The following LAMC2 variants were observed in gnomAD, a reference collection of about 807,000 sequenced individuals.
LAMC2 encodes laminin subunit gamma 2.
Under a neutral mutation model 140.2 loss-of-function variants are expected in LAMC2, and 97 were observed. The ratio of observed to expected loss-of-function variants is 0.69; its 90% CI spans 0.59 to 0.82. The LOEUF is 0.82. Among genes scored for constraint, LAMC2 ranks in the 40% least tolerant of loss-of-function variants. The probability of loss-of-function intolerance (pLI) is 0.00; values close to 1 mark genes in which losing one functional copy is unlikely to be tolerated. For missense variants in LAMC2, 1,402 were observed against 1,476.1 expected (o/e 0.95, Z 0.82); for synonymous variants, 513 against 540.2 (o/e 0.95, Z 0.70).
chr1:183,252,728 A>G, the LAMC2 span: 1 of 1,613,912 alleles, frequency 6.2e-7, no homozygotes, highest in Non-Finnish European at 8.5e-7. Flanking sequence ...GGCCGTCCCC[A>G]TGCTGCAGGG....
chr1:183,194,328 A>G (rs924271138), intron 1 of LAMC2, among the ~76,000 whole-genome samples: 3 of 152,098 alleles, frequency 2.0e-5, no homozygotes, highest in African/African-American at 4.8e-5. Context: ...GCAAATGCAC[A>G]TGAATTACCA....
intron 2 of LAMC2, among the ~76,000 whole-genome samples, chr1:183,211,130 G>A (rs769089192): frequency 1.3e-5 from 2 of 152,108 alleles, no homozygotes; most frequent in Non-Finnish European, 2.9e-5. Flanking sequence ...ACTTTATATC[G>A]ATTTCCCAAA....
downstream of LAMC2, among the ~76,000 whole-genome samples, chr1:183,247,170 C>T (rs963918021): frequency 6.6e-5 from 10 of 151,984 alleles, no homozygotes; most frequent in East Asian, 5.8e-4. Flanking sequence ...AAATTAACTG[C>T]GCATGGTGGC....
rs1660205025 is a variant in LAMC2, at chr1:183,244,634, T to C, written c.*1234T>C. 1.3e-5 allele frequency: 2 copies of C among 152,684 alleles called. No individual in the cohort carries two copies. The highest frequency in any genetic ancestry group is 2.9e-5 in the Non-Finnish European group (2 of 68,042). 9.5% of individuals were successfully genotyped at this position (152,684 alleles called of 1,614,324 possible). A position where few individuals can be genotyped will look rare whatever the true frequency, so the allele number is the denominator to read the frequency against. On this transcript the variant is annotated 3_prime_UTR_variant, in exon 23 of 23. Transcript: ENST00000264144. ...CAACCTCTTTGCTCAACAGAACATA[T>C]GTTGCAAGACCCTCCCATGGGGGCA...
intron 16 of LAMC2, 94 bp downstream of exon 16, chr1:183,235,824 A>C: frequency 2.4e-6 from 3 of 1,271,412 alleles, no homozygotes; most frequent in Non-Finnish European, 3.4e-6. Context: ...TGCTAGTTGT[A>C]AAAAACATAT....
In LAMC2 at chr1:183,232,281, G is replaced by C; in HGVS notation, c.1952G>C (p.Gly651Ala). 1 of 1,614,072 alleles carries C rather than the reference G, an allele frequency of 6.2e-7. No homozygotes were observed. Residue 651 changes from glycine (G) to alanine (A), a missense_variant, in exon 13 of 23, where the codon GGC becomes GCC. Gly to Ala is a moderately conservative substitution (Grantham distance 60). Transcript: ENST00000264144. ...DGVVPDTELEGRMQQAEQALQ... is the reference protein window; with the variant it reads ...DGVVPDTELEARMQQAEQALQ... Reference sequence around the variant, plus strand: ...GTAGTACCTGATACAGAGCTGGAAGGCAGGATGCAGCAGGCTGAGCAGGCC... The same window carrying C: ...GTAGTACCTGATACAGAGCTGGAAGCCAGGATGCAGCAGGCTGAGCAGGCC...
rs1460810872 is a variant in LAMC2 at position 183,231,058 on chromosome 1, T to C, written c.1812T>C (p.His604=). The C allele has an allele frequency of 6.2e-7, 1 of 1,614,156 alleles. No homozygotes were observed. The highest frequency in any genetic ancestry group is 1.1e-5 in the South Asian group (1 of 91,082). Residue 604 remains histidine, a synonymous_variant, in exon 12 of 23, where the codon CAT becomes CAC. Coordinates refer to ENST00000264144, the MANE Select transcript of LAMC2 (RefSeq NM_005562.3). The part of the protein sequence containing the change: ...KPGFGGPNCE[H]GAFSCPACYN... The stretch of plus-strand genomic sequence containing the variant: ...GATTTGGTGGCCCCAACTGTGAGCA[T>C]GGAGCATTCAGCTGTCCAGCTTGCT...
intron 1 of LAMC2, among the ~76,000 whole-genome samples, chr1:183,188,459 C>A (rs1258764621): frequency 2.0e-5 from 3 of 152,204 alleles, no homozygotes; most frequent in Admixed American, 6.5e-5. Context: ...GGCAAGACTT[C>A]AGGGTTGGGC....
Position 183,208,069 on chromosome 1 carries a change from G to A in LAMC2, c.268G>A (p.Gly90Ser). Residue 90 changes from glycine to serine, a missense_variant and splice_region_variant, in exon 2 of 23, where the codon GGT (glycine) becomes AGT (serine). Transcript: ENST00000264144. ...RCLPCNCNSK[G>S]SLSARCDNSG... The stretch of plus-strand genomic sequence containing the variant: ...TTTGCCCTGCAATTGTAACTCCAAA[G>A]GTAGCTGAAAAGGACGGAAAGAGGG... The A allele has an allele frequency of 1.2e-6, 2 of 1,613,704 alleles. No individual in the cohort carries two copies. Among genetic ancestry groups the A allele is most frequent in the Non-Finnish European group, 1.7e-6 (2 of 1,179,762 alleles).
chr1:183,258,780 T>G, the LAMC2 span, among the ~76,000 whole-genome samples: 1 of 152,022 alleles, frequency 6.6e-6, no homozygotes, highest in Non-Finnish European at 1.5e-5. Flanking sequence ...CTTATTTGAA[T>G]TTGCGGCCCC....
chr1:183,228,880 C>T lies in LAMC2; in HGVS notation c.1714+261C>T, dbSNP rs775997851. On this transcript the variant is annotated intron_variant, in intron 11 of 22. Coordinates refer to ENST00000264144, the MANE Select transcript of LAMC2 (RefSeq NM_005562.3). This position sits in a 1 kb window ranked among gnomAD's most constrained non-coding sequence, Gnocchi z 4.3. ...AAAAGGTCAGGTTTACATTCCTACG[C>T]GGAAAAGGATGTAACACGGGGCCAC... Among the ~76,000 whole-genome samples, 7 of 152,264 alleles carry T rather than the reference C, an allele frequency of 4.6e-5. No homozygotes were observed. The highest frequency in any genetic ancestry group is 2.1e-4 in the South Asian group (1 of 4,830).
Position 183,227,555 on chromosome 1 carries a change from T to C in LAMC2, c.1326T>C (p.Cys442=). The C allele has an allele frequency of 6.2e-7, 1 of 1,614,180 alleles. No homozygotes were observed. The highest frequency in any genetic ancestry group is 8.5e-7 in the Non-Finnish European group (1 of 1,180,034). ...GGGATGAGAATCCTGACATTGAGTG[T>C]GCTGACTGCCCAATTGGTTTCTACA... The part of the protein sequence containing the change: ...YSGDENPDIE[C]ADCPIGFYND... The change falls in exon 10 of 23, where the codon TGT becomes TGC. Residue 442 remains cysteine, a synonymous_variant. Coordinates refer to ENST00000264144, the MANE Select transcript of LAMC2 (RefSeq NM_005562.3).
Position 183,213,037 on chromosome 1 carries a change from C to A in LAMC2, c.269-2416C>A, listed in dbSNP as rs1367116093. Reference sequence around the variant, plus strand: ...CATGCTGATCTTGCCTTCTCCAAGCCATCCTGCAGACTGCTCTAGAGTTCT... The same window carrying A: ...CATGCTGATCTTGCCTTCTCCAAGCAATCCTGCAGACTGCTCTAGAGTTCT... On this transcript the variant is annotated intron_variant, in intron 2 of 22. Transcript: ENST00000264144. Among the ~76,000 whole-genome samples the A allele has an allele frequency of 2.0e-5, 3 of 152,254 alleles. No individual in the cohort carries two copies. In the East Asian group the frequency reaches 5.8e-4, roughly 29 times the overall value.
At chr1:183,232,502 A>T in intron 13 of LAMC2, 150 bp from the exon 14 acceptor site, 2 of 1,063,786 alleles carry the variant, frequency 1.9e-6, no homozygotes, top group Non-Finnish European at 2.8e-6. Flanking sequence ...TCCCCCTGGG[A>T]TCTGAATGAT....
Position 183,235,735 on chromosome 1 carries a change from G to T in LAMC2, c.2456+5G>T. ...GGTGCAAGGGCTTGTGGAAAAGTAC[G>T]TTCCTACGGGTCCTCCCGTGGCTCA... On this transcript the variant is annotated splice_donor_5th_base_variant and intron_variant, in intron 16 of 22. Coordinates refer to ENST00000264144, the MANE Select transcript of LAMC2 (RefSeq NM_005562.3). 6.2e-7 allele frequency: 1 copy of T among 1,613,890 alleles called. No individual in the cohort carries two copies. The highest frequency in any genetic ancestry group is 8.5e-7 in the Non-Finnish European group (1 of 1,179,976).
In LAMC2 at chr1:183,207,977, A is replaced by G; in HGVS notation, c.176A>G (p.Asn59Ser). The change falls in exon 2 of 23, where the codon AAC (asparagine) becomes AGC (serine). Residue 59 changes from asparagine (N) to serine (S), a missense_variant. Coordinates refer to ENST00000264144, the MANE Select transcript of LAMC2 (RefSeq NM_005562.3). ...NGFRCLNCND[N>S]TDGIHCEKCK... ...TTCCGCTGCCTCAACTGCAATGACAACACTGATGGCATTCACTGCGAGAAG... is the reference window on the plus strand; with the variant it reads ...TTCCGCTGCCTCAACTGCAATGACAGCACTGATGGCATTCACTGCGAGAAG... The G allele has an allele frequency of 6.2e-7, 1 of 1,613,948 alleles. No individual in the cohort carries two copies. The highest frequency in any genetic ancestry group is 8.5e-7 in the Non-Finnish European group (1 of 1,179,866).
chr1:183,254,157 C>G, the LAMC2 span, among the ~76,000 whole-genome samples: 1 of 152,008 alleles, frequency 6.6e-6, no homozygotes, highest in Non-Finnish European at 1.5e-5. Flanking sequence ...CTTTAGGAAC[C>G]TCTATTCTGT....
intron 2 of LAMC2, among the ~76,000 whole-genome samples, chr1:183,212,845 T>G (rs1053380561): frequency 1.2e-4 from 18 of 152,224 alleles, no homozygotes; most frequent in African/African-American, 4.3e-4. Context: ...AGGTGTGCAC[T>G]CTGGGGACCT....
intron 11 of LAMC2, among the ~76,000 whole-genome samples, chr1:183,229,185 T>C (rs2102234505): frequency 6.6e-6 from 1 of 152,312 alleles, no homozygotes. Flanking sequence ...AGACTGGTCC[T>C]CTTGCCCAGC....
Sources: gnomAD v4.1 joint callset for allele counts (sites outside exome capture counted in the v4.1 genomes callset) on GRCh38, gnomAD v4.1.1 for gene constraint, Gnocchi (gnomAD v3.1) non-coding constraint, MANE v1.5 for transcripts, NCBI Gene and HGNC (gene_info 2026-07-23, HGNC 2026-07-21) for gene names.